Variants in ZFC3H1 observed in about 807,000 individuals in gnomAD.
ZFC3H1 encodes the protein zinc finger C3H1 domain-containing protein.
In ZFC3H1, 71 loss-of-function variants were observed where a neutral mutation model predicts 243.7. The observed-to-expected ratio is 0.29, with a 90% CI of 0.24 to 0.36. The LOEUF (loss-of-function observed/expected upper bound fraction) is 0.36. Among genes scored for constraint, ZFC3H1 ranks in the 10% least tolerant of loss-of-function variants. The pLI, the probability that ZFC3H1 is intolerant of heterozygous loss-of-function variation, is 1.00. For synonymous variants in ZFC3H1, 838 were observed against 813.0 expected (o/e 1.03, Z -0.52); for missense variants, 1,966 against 2,317.1 (o/e 0.85, Z 3.11).
At position 71,620,117 on chromosome 12, in the gene ZFC3H1, C is replaced by A; in HGVS notation, c.4858G>T (p.Ala1620Ser). 8 of 1,608,614 alleles carry A rather than the reference C, an allele frequency of 5.0e-6. No individual in the cohort carries two copies. In the Middle Eastern group the frequency reaches 1.3e-3, roughly 268 times the overall value. The change falls in exon 26 of 35, where the codon GCT (alanine) becomes TCT (serine). Residue 1620 changes from alanine (A) to serine (S), a missense_variant. Ala to Ser is a moderately conservative substitution (Grantham distance 99). Transcript: ENST00000378743. ...ALHQLLERYE[A>S]AMELCKSLLE... ...AAAGATTTACAAAGCTCCATTGCAGCCTCATACCTTAACAAAAAAGAAAAA... is the reference window on the plus strand; with the variant it reads ...AAAGATTTACAAAGCTCCATTGCAGACTCATACCTTAACAAAAAAGAAAAA...
Position 71,623,566 on chromosome 12 carries a change from A to G in ZFC3H1, c.4538T>C (p.Val1513Ala). 1 of 1,612,366 alleles carries G rather than the reference A, an allele frequency of 6.2e-7. No individual in the cohort carries two copies. Residue 1513 changes from valine to alanine, a missense_variant, in exon 24 of 35, where the codon GTA (valine) becomes GCA (alanine). This residue lies in a region of ZFC3H1 where 1,383 missense variants were observed against 1,723.7 expected (regional missense o/e 0.80). Coordinates refer to ENST00000378743, the MANE Select transcript of ZFC3H1 (RefSeq NM_144982.5). ...ATCACTGGTTTTAAGGTATTCAGCT[A>G]CTATTCCATCATTAGCAGATTTCAA... ...NALKSANDGI[V>A]AEYLKTSDRC...
intron 22 of ZFC3H1, among the ~76,000 whole-genome samples, 176 bp from the exon 23 acceptor site, chr12:71,624,468 T>C (rs776598719): frequency 6.6e-6 from 1 of 152,346 alleles, no homozygotes; most frequent in South Asian, 2.1e-4. Flanking sequence ...CTCCCTCTTC[T>C]ATCACATATC....
chr12:71,625,600 G>C (rs886660490), intron 22 of ZFC3H1, among the ~76,000 whole-genome samples: 1 of 152,188 alleles, frequency 6.6e-6, no homozygotes, highest in Non-Finnish European at 1.5e-5. Flanking sequence ...GCTGAGTCCA[G>C]GAGGACTTGG....
In ZFC3H1 at chr12:71,633,379, T is replaced by C. The variant is rs1880373597; in HGVS notation, c.2570A>G (p.Lys857Arg). Residue 857 changes from lysine to arginine, a missense_variant, in exon 13 of 35, where the codon AAG (lysine) becomes AGG (arginine). Around this residue, in one of 4 missense-constraint regions of ZFC3H1, gnomAD observed 1,383 missense variants for 1,723.7 expected, o/e 0.80. Coordinates refer to ENST00000378743, the MANE Select transcript of ZFC3H1 (RefSeq NM_144982.5). ...LKNLVQQEAK[K>R]KESVRNAEAK... ...TTCAGCATTTCTAACAGATTCTTTC[T>C]TCTTAGCTTCTTGTTGCACTAAATT... 11 of 1,597,932 alleles carry C rather than the reference T, an allele frequency of 6.9e-6. No individual in the cohort carries two copies. The highest frequency in any genetic ancestry group is 8.5e-6 in the Non-Finnish European group (10 of 1,171,636).
intron 33 of ZFC3H1, 143 bp downstream of exon 33, chr12:71,610,915 T>C: frequency 2.8e-6 from 4 of 1,424,318 alleles, no homozygotes; most frequent in Non-Finnish European, 3.8e-6. Flanking sequence ...CTTAAAATGT[T>C]AACTACTTTT....
intron 24 of ZFC3H1, 83 bp from the exon 25 acceptor site, chr12:71,620,398 C>A: frequency 7.1e-7 from 1 of 1,401,466 alleles, no homozygotes; most frequent in Admixed American, 1.7e-5. Context: ...CTCTGAGAGA[C>A]CAATGGGAAA....
Position 71,611,660 on chromosome 12 carries a change from G to GAA in ZFC3H1, c.5729+124_5729+125dup, listed in dbSNP as rs35052856. 450 of 107,444 alleles carry GAA rather than the reference G, an allele frequency of 4.2e-3. 10 individuals carry two copies. The highest frequency in any genetic ancestry group is 0.012 in the South Asian group (36 of 3,038). 6.7% of individuals were successfully genotyped at this position (107,444 alleles called of 1,614,324 possible). ...AAATTAAGAATAGCAATCTGTCCAG[G>GAA]AAAAAAAAAAAAAAAAATATATATA... On this transcript the variant is annotated intron_variant, in intron 32 of 34. Transcript: ENST00000378743.
In ZFC3H1 at chr12:71,646,244, T is replaced by C. The variant is rs557266467; in HGVS notation, c.1081-1169A>G. On this transcript the variant is annotated intron_variant, in intron 3 of 34. Transcript: ENST00000378743. ...ACCTTTTCCACTGTTGGTAAGTACA[T>C]GTAAGCAATAATTTTAAAATTATTA... 2.0e-5 allele frequency among the ~76,000 whole-genome samples: 3 copies of C among 152,334 alleles called. No individual in the cohort carries two copies. The South Asian group carries it at 6.2e-4, about 32-fold the overall frequency.
chr12:71,659,767 C>A (rs1881116333), intron 1 of ZFC3H1, among the ~76,000 whole-genome samples: 3 of 152,120 alleles, frequency 2.0e-5, no homozygotes, highest in Admixed American at 1.3e-4. Context: ...TTAAGCTTGT[C>A]AAGATACAAT....
At chr12:71,659,982 G>A (rs1881122864) in intron 1 of ZFC3H1, among the ~76,000 whole-genome samples, 1 of 152,036 alleles carries the variant, frequency 6.6e-6, no homozygotes, top group Non-Finnish European at 1.5e-5. Context: ...AAAAATTAAG[G>A]GTGAAAATAA....
chr12:71,649,799 G>A (rs1191763353), intron 2 of ZFC3H1, among the ~76,000 whole-genome samples: 1 of 152,188 alleles, frequency 6.6e-6, no homozygotes, highest in Non-Finnish European at 1.5e-5. Flanking sequence ...GATCTCACTT[G>A]TCTATAAAAA....
chr12:71,631,685 T>C (rs1365481945), intron 16 of ZFC3H1, 93 bp downstream of exon 16: 18 of 1,131,030 alleles, frequency 1.6e-5, no homozygotes, highest in Admixed American at 5.4e-5. Flanking sequence ...AATGATTCAA[T>C]TGCTTTTTCA....
chr12:71,653,935 C>T (rs1416278167), intron 2 of ZFC3H1, among the ~76,000 whole-genome samples: 1 of 152,148 alleles, frequency 6.6e-6, no homozygotes, highest in East Asian at 1.9e-4. Flanking sequence ...ATCACTTGAA[C>T]CCAGGAGGCG....
intron 27 of ZFC3H1, among the ~76,000 whole-genome samples, chr12:71,615,754 G>C (rs1879879278): frequency 6.6e-6 from 1 of 152,142 alleles, no homozygotes. Flanking sequence ...CTGGACTCAA[G>C]TAATTCTCCT....
rs577629824 is a variant in ZFC3H1, at chr12:71,634,247, T to C, written c.2418A>G (p.Pro806=). 1.2e-6 allele frequency: 2 copies of C among 1,614,092 alleles called. No homozygotes were observed. Among genetic ancestry groups the C allele is most frequent in the African/African-American group, 1.3e-5 (1 of 75,058 alleles). Reference sequence around the variant, plus strand: ...CATCAATTTCCACATCAGAGTTTGCTGGGGATGATGAACTTGTCTTCAGCT... The same window carrying C: ...CATCAATTTCCACATCAGAGTTTGCCGGGGATGATGAACTTGTCTTCAGCT... The part of the protein sequence containing the change: ...SDQLKTSSSS[P]ANSDVEIDGI... The change falls in exon 12 of 35, where the codon CCA becomes CCG. Residue 806 remains proline (P), a synonymous_variant. Transcript: ENST00000378743.
At chr12:71,616,225 A>G (rs1270234196) in intron 27 of ZFC3H1, among the ~76,000 whole-genome samples, 1 of 152,156 alleles carries the variant, frequency 6.6e-6, no homozygotes, top group Non-Finnish European at 1.5e-5. Context: ...TGAACTCAGG[A>G]GGCAGAGGTT....
chr12:71,656,413 T>C, intron 2 of ZFC3H1: 1 of 546,480 alleles, frequency 1.8e-6, no homozygotes, highest in Non-Finnish European at 3.2e-6. Flanking sequence ...AGAAATAAAT[T>C]ATATAATTCA....
rs1349434442 is a variant in ZFC3H1 at position 71,632,230 on chromosome 12, T to G, written c.3102A>C (p.Glu1034Asp). The change falls in exon 15 of 35, where the codon GAA becomes GAC. Residue 1034 changes from glutamate (E) to aspartate (D), a missense_variant. By Grantham distance (45) the Glu-to-Asp change is conservative. Coordinates refer to ENST00000378743, the MANE Select transcript of ZFC3H1 (RefSeq NM_144982.5). ...GCTCTCTGCTTGAACCAGACAAAAT[T>G]TCATCATCAACATCATTTTCTTCAG... ...LDTEENDVDD[E>D]ILSGSSRERR... 7.4e-6 allele frequency: 12 copies of G among 1,611,448 alleles called. No homozygotes were observed. The highest frequency in any genetic ancestry group is 1.0e-5 in the Non-Finnish European group (12 of 1,179,204).
At chr12:71,641,772 G>A (rs1880607478) in intron 6 of ZFC3H1, among the ~76,000 whole-genome samples, 1 of 152,170 alleles carries the variant, frequency 6.6e-6, no homozygotes, top group Non-Finnish European at 1.5e-5. Flanking sequence ...TTTGTTCTTT[G>A]ACTAAAGCAG....
Sources: allele counts gnomAD v4.1 joint callset (sites outside exome capture counted in the v4.1 genomes callset), GRCh38; gene constraint gnomAD v4.1.1; regional missense constraint gnomAD v4.1.1; transcripts MANE v1.5; gene names NCBI Gene and HGNC (gene_info 2026-07-23, HGNC 2026-07-21).